The following FREM1 variants were observed in gnomAD, a reference collection of about 807,000 sequenced individuals.
FREM1 encodes the protein FRAS1 related extracellular matrix 1, also known as FRAS1-related extracellular matrix protein 1.
A neutral mutation model predicts 210.1 loss-of-function variants in FREM1; 220 were observed. The ratio of observed to expected loss-of-function variants is 1.05; its 90% CI spans 0.94 to 1.17. The LOEUF (loss-of-function observed/expected upper bound fraction) is 1.17, where lower values mean the gene tolerates loss of function less well. Ranked by LOEUF, FREM1 falls within the 50% of genes most tolerant of loss-of-function variation. The pLI is 0.00. For synonymous variants in FREM1, 1,189 were observed against 980.2 expected, an observed-to-expected ratio of 1.21 and a Z score of -3.98; for missense variants, 3,454 against 2,675.5, an observed-to-expected ratio of 1.29 and a Z score of -6.42.
intron 3 of FREM1, among the ~76,000 whole-genome samples, chr9:14,861,147 A>ACATGTATGTG (rs1830316171): frequency 9.1e-6 from 1 of 110,078 alleles, no homozygotes; most frequent in African/African-American, 4.0e-5. Context: ...ACATATATAC[A>ACATGTATGTG]CATATATACG....
intron 21 of FREM1, among the ~76,000 whole-genome samples, chr9:14,794,592 A>G (rs1382234369): frequency 2.0e-5 from 3 of 152,244 alleles, no homozygotes; most frequent in Non-Finnish European, 4.4e-5. Flanking sequence ...ACAGTAGCTA[A>G]AAGGAATAGC....
Position 14,778,690 on chromosome 9 carries a change from G to GAAGGGAAGGGAAGGC in FREM1, c.4443-2488_4443-2487insGCCTTCCCTTCCCTT, listed in dbSNP as rs1418275375. 1.6e-3 allele frequency among the ~76,000 whole-genome samples: 45 copies of GAAGGGAAGGGAAGGC among 28,030 alleles called. 2 individuals carry two copies. The highest frequency in any genetic ancestry group is 3.7e-3 in the African/African-American group (45 of 12,142). 18.4% of individuals were successfully genotyped at this position (28,030 alleles called of 152,430 possible). ...GGGGAGGGAGGGGAGGGAGGGAAGG[G>GAAGGGAAGGGAAGGC]AAGGGAAGGGAAGGGAAGGGAAGGG... is the stretch of plus-strand genomic sequence containing the variant. On this transcript the variant is annotated intron_variant, in intron 24 of 36. Coordinates refer to ENST00000380880, the MANE Select transcript of FREM1 (RefSeq NM_001379081.2).
chr9:14,739,008 T>TTA, intron 36 of FREM1, among the ~76,000 whole-genome samples: 1 of 13,276 alleles, frequency 7.5e-5, no homozygotes, highest in Non-Finnish European at 1.5e-4. Context: ...AGATTCTGTC[T>TTA]CAAAAAAAAA....
At chr9:14,901,787 C>A (rs1047151567) in intron 1 of FREM1, among the ~76,000 whole-genome samples, 2 of 152,124 alleles carry the variant, frequency 1.3e-5, no homozygotes, top group African/African-American at 4.8e-5. Context: ...AATTTCTCAG[C>A]CTTGAATTCA....
Position 14,824,009 on chromosome 9 carries a change from T to C in FREM1, c.2169+16A>G. ...ACTTGCATCATGTTTGTCAGCATTT[T>C]AGCATATCCTCATACCTGAGTGAAT... On this transcript the variant is annotated intron_variant, in intron 12 of 36. Transcript: ENST00000380880. 6.6e-7 allele frequency: 1 copy of C among 1,516,604 alleles called. No individual in the cohort carries two copies. Among genetic ancestry groups the C allele is most frequent in the South Asian group, 1.2e-5 (1 of 82,898 alleles). 93.9% of individuals were successfully genotyped at this position (1,516,604 alleles called of 1,614,324 possible).
chr9:14,841,014 C>T (rs1825600591), intron 10 of FREM1, among the ~76,000 whole-genome samples: 1 of 152,132 alleles, frequency 6.6e-6, no homozygotes, highest in Non-Finnish European at 1.5e-5. Context: ...CACAATAACT[C>T]TAAAGGAAGG....
At chr9:14,760,269 G>A (rs1336952050) in intron 27 of FREM1, among the ~76,000 whole-genome samples, 1 of 152,134 alleles carries the variant, frequency 6.6e-6, no homozygotes, top group Non-Finnish European at 1.5e-5. Context: ...TTCCTTTTTG[G>A]AAAAGACACT....
At chr9:14,870,227 C>T (rs1262728982) in intron 1 of FREM1, among the ~76,000 whole-genome samples, 1 of 152,234 alleles carries the variant, frequency 6.6e-6, no homozygotes, top group Non-Finnish European at 1.5e-5. Flanking sequence ...ACAAATGCCT[C>T]CATTATCCAC....
At chr9:14,868,435 T>C (rs1348748919) in intron 2 of FREM1, among the ~76,000 whole-genome samples, 2 of 152,194 alleles carry the variant, frequency 1.3e-5, no homozygotes, top group Non-Finnish European at 2.9e-5. Flanking sequence ...ATTACATGCA[T>C]CCATATTAGT....
intron 7 of FREM1, 34 bp downstream of exon 7, chr9:14,848,631 G>T: frequency 2.4e-6 from 3 of 1,253,730 alleles, no homozygotes; most frequent in South Asian, 2.5e-5. Flanking sequence ...TCCCTTCAGG[G>T]CTATGTTGCT....
At position 14,830,645 on chromosome 9, in the gene FREM1, C is replaced by G. The variant is rs191434742; in HGVS notation, c.1882-5653G>C. On this transcript the variant is annotated intron_variant, in intron 10 of 36. Coordinates refer to ENST00000380880, the MANE Select transcript of FREM1 (RefSeq NM_001379081.2). ...CCTCTTTCGGCTTTGGAGCTCCCCCCGCTCTGTTTCTGTATGGGGGAGCTT... is the reference window on the plus strand; with the variant it reads ...CCTCTTTCGGCTTTGGAGCTCCCCCGGCTCTGTTTCTGTATGGGGGAGCTT... Among the ~76,000 whole-genome samples, 353 of 152,314 alleles carry G rather than the reference C, an allele frequency of 2.3e-3. 2 individuals are homozygous for G. The highest frequency in any genetic ancestry group is 7.7e-3 in the African/African-American group (321 of 41,568).
chr9:14,851,481 C>G lies in FREM1; in HGVS notation c.955G>C (p.Val319Leu). 6.2e-7 allele frequency: 1 copy of G among 1,613,980 alleles called. No individual in the cohort carries two copies. The highest frequency in any genetic ancestry group is 8.5e-7 in the Non-Finnish European group (1 of 1,179,876). The change falls in exon 6 of 37, where the codon GTT (valine) becomes CTT (leucine). Residue 319 changes from valine (V) to leucine (L), a missense_variant. Transcript: ENST00000380880. ...GTCTCATCTTCTTCACAGTCCAGAA[C>G]TGATGTAGTCAAGGAGGTCAGGATG... ...QFILTSLTTSVLDCEEDETPK... is the reference protein window; with the variant it reads ...QFILTSLTTSLLDCEEDETPK...
chr9:14,784,702 G>A, intron 23 of FREM1, 68 bp from the exon 24 acceptor site: 1 of 1,246,572 alleles, frequency 8.0e-7, no homozygotes. Context: ...GGCAAAGGCA[G>A]AAGACAAAGG....
intron 17 of FREM1, 61 bp downstream of exon 17, chr9:14,807,879 T>C: frequency 2.6e-6 from 3 of 1,134,210 alleles, no homozygotes; most frequent in Non-Finnish European, 2.5e-6. Context: ...ATTATTTCAC[T>C]GAACCACAGG....
At chr9:14,898,737 CAAAACAAAACA>C (rs1158795333) in intron 1 of FREM1, among the ~76,000 whole-genome samples, 4 of 151,906 alleles carry the variant, frequency 2.6e-5, no homozygotes, top group Non-Finnish European at 4.4e-5. Flanking sequence ...GACTCTGTCT[CAAAACAAAACA>C]AAAACAAAAC....
chr9:14,825,305 T>C (rs927063426), intron 10 of FREM1, among the ~76,000 whole-genome samples: 1 of 151,372 alleles, frequency 6.6e-6, no homozygotes, highest in Non-Finnish European at 1.5e-5. Context: ...CTGGCCAACA[T>C]AGTGAAACCC....
At chr9:14,752,404 A>C (rs991460311) in intron 29 of FREM1, among the ~76,000 whole-genome samples, 5 of 151,246 alleles carry the variant, frequency 3.3e-5, no homozygotes, top group Non-Finnish European at 5.9e-5. Flanking sequence ...GAGAGGTTAC[A>C]TGGGTGGACA....
intron 6 of FREM1, 31 bp from the exon 7 acceptor site, chr9:14,848,804 C>G (rs146629480): frequency 7.5e-7 from 1 of 1,340,962 alleles, no homozygotes; most frequent in East Asian, 2.3e-5. Context: ...AGGAGCCACA[C>G]ACTGAAGCGT....
chr9:14,851,757 T>C, intron 5 of FREM1, 150 bp from the exon 6 acceptor site: 1 of 689,952 alleles, frequency 1.4e-6, no homozygotes, highest in Admixed American at 2.2e-5. Context: ...CCTGGGGAGC[T>C]TTAAACACAT....
Sources: gnomAD v4.1 joint callset for allele counts (sites outside exome capture counted in the v4.1 genomes callset) on GRCh38, gnomAD v4.1.1 for gene constraint, MANE v1.5 for transcripts, NCBI Gene and HGNC (gene_info 2026-07-23, HGNC 2026-07-21) for gene names.